Variants in FLACC1 observed in about 807,000 individuals in gnomAD.
FLACC1 encodes the protein flagellum associated containing coiled-coil domains 1.
In FLACC1, 66 loss-of-function variants were observed where a neutral mutation model predicts 62.8. That is an observed-to-expected ratio of 1.05 (90% confidence interval 0.86 to 1.29). FLACC1 has a LOEUF of 1.29. Among genes scored for constraint, FLACC1 ranks in the 50% most tolerant of loss-of-function variants. The probability of loss-of-function intolerance (pLI) is 0.00; values close to 1 mark genes in which losing one functional copy is unlikely to be tolerated. For missense variants in FLACC1, 452 were observed against 489.1 expected, an observed-to-expected ratio of 0.92 and a Z score of 0.71; for synonymous variants, 156 against 161.0, an observed-to-expected ratio of 0.97 and a Z score of 0.24.
rs776234743 is a variant in FLACC1, at chr2:201,330,522, T to C, written c.623A>G (p.Glu208Gly). 40 of 1,613,616 alleles carry C rather than the reference T, an allele frequency of 2.5e-5. No homozygotes were observed. The highest frequency in any genetic ancestry group is 3.2e-5 in the Non-Finnish European group (38 of 1,179,738). ...ATACTTGTATTCTTTTCCCATCTCCTCTGGATAAAAGGAAAACAACAGGAT... is the reference window on the plus strand; with the variant it reads ...ATACTTGTATTCTTTTCCCATCTCCCCTGGATAAAAGGAAAACAACAGGAT... Reference protein sequence around the residue: ...AEKLAAQEKLEEMGKEYKYLK... With the variant: ...AEKLAAQEKLGEMGKEYKYLK... The change falls in exon 9 of 15, where the codon GAG becomes GGG. Residue 208 changes from glutamate (E) to glycine (G), a missense_variant and splice_region_variant. Physicochemically the swap from Glu to Gly is moderately conservative, Grantham distance 98. This residue lies in a region of FLACC1 where 301 missense variants were observed against 318.4 expected (regional missense o/e 0.95). Transcript: ENST00000392257.
chr2:201,288,748 A>C lies in FLACC1; in HGVS notation c.1176T>G (p.Cys392Trp). Residue 392 changes from cysteine (C) to tryptophan (W), a missense_variant, in exon 15 of 15, where the codon TGT (cysteine) becomes TGG (tryptophan). By Grantham distance (215) the Cys-to-Trp change is radical (BLOSUM62 -2). Around this residue, in one of 3 missense-constraint regions of FLACC1, gnomAD observed 301 missense variants for 318.4 expected, o/e 0.95. Transcript: ENST00000392257. The stretch of plus-strand genomic sequence containing the variant: ...AGGCCAATCTCCCAGAACATCCTTC[A>C]CAAATTTCTTCATTCTTAGAAATTA... ...QKIISKNEEI[C>W]EGCSGRLASI... 3.7e-6 allele frequency: 6 copies of C among 1,613,988 alleles called. No individual in the cohort carries two copies. Among genetic ancestry groups the C allele is most frequent in the Non-Finnish European group, 5.1e-6 (6 of 1,179,990 alleles).
At chr2:201,295,953 C>G (rs1949851446) in intron 12 of FLACC1, among the ~76,000 whole-genome samples, 1 of 152,114 alleles carries the variant, frequency 6.6e-6, no homozygotes, top group Non-Finnish European at 1.5e-5. Flanking sequence ...CAAATCAAAC[C>G]ACAATGAGAT....
chr2:201,331,143 A>G (rs1950586741), intron 7 of FLACC1, among the ~76,000 whole-genome samples: 1 of 151,436 alleles, frequency 6.6e-6, no homozygotes, highest in African/African-American at 2.4e-5. Context: ...TAATTTTTTA[A>G]TTTTTTGTAG....
At chr2:201,334,099 G>T (rs990637243) in intron 7 of FLACC1, among the ~76,000 whole-genome samples, 9 of 152,078 alleles carry the variant, frequency 5.9e-5, no homozygotes, top group African/African-American at 2.2e-4. Flanking sequence ...TTTAATGATC[G>T]CCATTCTAAC....
At chr2:201,341,537 A>G (rs1009273546) in intron 7 of FLACC1, among the ~76,000 whole-genome samples, 3 of 149,734 alleles carry the variant, frequency 2.0e-5, no homozygotes, top group South Asian at 2.1e-4. Flanking sequence ...ATATGTATGT[A>G]TATATATATA....
chr2:201,339,377 A>T (rs1285529733), intron 7 of FLACC1, among the ~76,000 whole-genome samples: 11 of 148,836 alleles, frequency 7.4e-5, no homozygotes, highest in African/African-American at 2.7e-4. Flanking sequence ...TTTTTTGCTG[A>T]CCCTTTGTAT....
intron 9 of FLACC1, among the ~76,000 whole-genome samples, chr2:201,322,428 AG>A (rs1950423163): frequency 6.6e-6 from 1 of 152,154 alleles, no homozygotes; most frequent in Admixed American, 6.5e-5. Context: ...CCAGCATCTA[AG>A]AAAGCCACAT....
At chr2:201,361,536 G>T (rs1487556212), upstream of FLACC1, among the ~76,000 whole-genome samples, 1 of 152,198 alleles carries the variant, frequency 6.6e-6, no homozygotes, top group East Asian at 1.9e-4. Context: ...TATGGTGGCT[G>T]AAGAACATTG....
chr2:201,312,037 T>C (rs1399907033), intron 9 of FLACC1, among the ~76,000 whole-genome samples: 1 of 152,160 alleles, frequency 6.6e-6, no homozygotes, highest in Non-Finnish European at 1.5e-5. Flanking sequence ...GGATGCCCAC[T>C]CTCACCTCTC....
chr2:201,337,819 G>T (rs1395480646), intron 7 of FLACC1, among the ~76,000 whole-genome samples: 1 of 152,110 alleles, frequency 6.6e-6, no homozygotes, highest in Non-Finnish European at 1.5e-5. Flanking sequence ...CACCATGCCT[G>T]GTCTTGTAAT....
chr2:201,338,486 A>G (rs1047161835), intron 7 of FLACC1, among the ~76,000 whole-genome samples: 10 of 152,162 alleles, frequency 6.6e-5, no homozygotes, highest in Non-Finnish European at 1.2e-4. Flanking sequence ...TCCAATTCTT[A>G]GAGGAAAAGT....
chr2:201,306,784 G>A (rs1950115735), intron 11 of FLACC1, among the ~76,000 whole-genome samples: 1 of 149,194 alleles, frequency 6.7e-6, no homozygotes, highest in African/African-American at 2.5e-5. Flanking sequence ...ATGTATATCT[G>A]GCAAAAAAAA....
At chr2:201,340,628 C>T (rs1950789589) in intron 7 of FLACC1, among the ~76,000 whole-genome samples, 1 of 152,144 alleles carries the variant, frequency 6.6e-6, no homozygotes, top group Non-Finnish European at 1.5e-5. Context: ...TTTTTACTCT[C>T]ATATTGGGAT....
At chr2:201,295,905 T>A (rs1413879621) in intron 12 of FLACC1, among the ~76,000 whole-genome samples, 4 of 152,110 alleles carry the variant, frequency 2.6e-5, no homozygotes, top group Non-Finnish European at 1.5e-5. Context: ...AAAAGACACA[T>A]GAAAAAATGT....
chr2:201,309,631 G>A (rs183680045), intron 9 of FLACC1, among the ~76,000 whole-genome samples: 5 of 152,008 alleles, frequency 3.3e-5, no homozygotes, highest in South Asian at 2.1e-4. Flanking sequence ...AAAGGAGGCC[G>A]GGCGCAGTGG....
intron 9 of FLACC1, among the ~76,000 whole-genome samples, chr2:201,322,062 G>A (rs1276696621): frequency 2.0e-5 from 3 of 151,840 alleles, no homozygotes; most frequent in Non-Finnish European, 4.4e-5. Context: ...TGAGGTCAGG[G>A]GTTCGAGACC....
At chr2:201,330,961 AT>A (rs1950582510) in intron 7 of FLACC1, 128 bp from the exon 8 acceptor site, 1 of 607,308 alleles carries the variant, frequency 1.6e-6, no homozygotes, top group Admixed American at 3.8e-5. Flanking sequence ...TATTTTTAAA[AT>A]TTTTAAATCT....
intron 11 of FLACC1, among the ~76,000 whole-genome samples, chr2:201,306,240 AGAGAAG>A (rs1950104164): frequency 6.6e-6 from 1 of 152,134 alleles, no homozygotes; most frequent in Non-Finnish European, 1.5e-5. Context: ...AAAGAAAGAG[AGAGAAG>A]GGGGAGGTGC....
At chr2:201,331,872 G>A (rs1344212170) in intron 7 of FLACC1, among the ~76,000 whole-genome samples, 1 of 152,172 alleles carries the variant, frequency 6.6e-6, no homozygotes, top group Admixed American at 6.5e-5. Flanking sequence ...TGATAATGAT[G>A]TGTCAATATA....
Sources: allele counts gnomAD v4.1 joint callset (sites outside exome capture counted in the v4.1 genomes callset), GRCh38; gene constraint gnomAD v4.1.1; regional missense constraint gnomAD v4.1.1; transcripts MANE v1.5; gene names NCBI Gene and HGNC (gene_info 2026-07-23, HGNC 2026-07-21).